C1GALT1: variants seen among roughly 807,000 people sequenced by gnomAD.
The protein encoded by C1GALT1 is glycoprotein-N-acetylgalactosamine 3-beta-galactosyltransferase 1.
In C1GALT1, 11 loss-of-function variants were observed where a neutral mutation model predicts 31.0. The ratio of observed to expected loss-of-function variants is 0.36; its 90% confidence interval spans 0.22 to 0.59. C1GALT1 has a LOEUF of 0.59. Ranked by LOEUF, C1GALT1 falls within the 20% of genes least tolerant of loss-of-function variation. The pLI is 0.79. For synonymous variants in C1GALT1, 175 were observed against 143.6 expected (o/e 1.22, Z -1.56); for missense variants, 424 against 425.2 (o/e 1.00, Z 0.03).
chr7:7,211,737 A>G (rs1269454198), intron 1 of C1GALT1, among the ~76,000 whole-genome samples: 2 of 152,180 alleles, frequency 1.3e-5, no homozygotes, highest in Non-Finnish European at 1.5e-5. Flanking sequence ...ACTTACTTTT[A>G]TTACCTGGCA....
chr7:7,234,300 C>T lies in C1GALT1; in HGVS notation c.-17-3C>T, dbSNP rs1427552547. The T allele has an allele frequency of 1.6e-5, 26 of 1,604,750 alleles. No individual in the cohort carries two copies. The highest frequency in any genetic ancestry group is 2.2e-5 in the Non-Finnish European group (26 of 1,173,574). On this transcript the variant is annotated splice_region_variant and splice_polypyrimidine_tract_variant and intron_variant, in intron 1 of 3. Transcript: ENST00000436587. Reference sequence around the variant, plus strand: ...AACATCCTGCTAATTTTTGTTCTTACAGAAATACACTTTCGGGAAATGGCC... The same window carrying T: ...AACATCCTGCTAATTTTTGTTCTTATAGAAATACACTTTCGGGAAATGGCC...
At chr7:7,217,737 A>G (rs79935034) in intron 1 of C1GALT1, among the ~76,000 whole-genome samples, 4,338 of 152,272 alleles carry the variant, frequency 0.028, 96 homozygotes, top group Non-Finnish European at 0.042. Flanking sequence ...ACAGTGGTAC[A>G]ATCATAGTTC....
intron 1 of C1GALT1, among the ~76,000 whole-genome samples, chr7:7,222,843 ATAAAG>A (rs1476733464): frequency 4.6e-5 from 7 of 152,242 alleles, no homozygotes; most frequent in South Asian, 2.1e-4. Flanking sequence ...TGAAGAAAGA[ATAAAG>A]TAAATATGCC....
chr7:7,162,769 CGG>C (rs1562550785), intron 2 of C1GALT1, among the ~76,000 whole-genome samples: 2 of 151,980 alleles, frequency 1.3e-5, no homozygotes, highest in East Asian at 1.9e-4. Context: ...ACATCCTCTC[CGG>C]AACCTGTTGT....
chr7:7,207,335 C>CTTT (rs57510429), intron 1 of C1GALT1, among the ~76,000 whole-genome samples: 903 of 47,996 alleles, frequency 0.019, 339 homozygotes, highest in Non-Finnish European at 0.023. Context: ...TACTCTGTTG[C>CTTT]TTTTTTTTTT....
chr7:7,193,097 CTG>C (rs1028167530), intron 1 of C1GALT1, among the ~76,000 whole-genome samples: 8 of 152,006 alleles, frequency 5.3e-5, no homozygotes, highest in African/African-American at 1.9e-4. Flanking sequence ...TTTCTCCACT[CTG>C]TGGGTTGTCT....
chr7:7,193,201 G>C (rs1450468501), intron 1 of C1GALT1, among the ~76,000 whole-genome samples: 1 of 151,986 alleles, frequency 6.6e-6, no homozygotes, highest in African/African-American at 2.4e-5. Context: ...TTGTTTTTGG[G>C]TTCATGGTCA....
chr7:7,198,502 T>A (rs1009713561), intron 1 of C1GALT1, among the ~76,000 whole-genome samples: 5 of 152,168 alleles, frequency 3.3e-5, no homozygotes, highest in Non-Finnish European at 4.4e-5. Context: ...CTCTTTTTTT[T>A]ATTGTGTCTC....
intron 1 of C1GALT1, among the ~76,000 whole-genome samples, chr7:7,232,606 CA>C (rs1458462932): frequency 6.6e-6 from 1 of 151,762 alleles, no homozygotes; most frequent in Non-Finnish European, 1.5e-5. Flanking sequence ...TCTTTTGCCT[CA>C]GTCTCCCAGG....
intron 1 of C1GALT1, among the ~76,000 whole-genome samples, chr7:7,206,159 T>C (rs971256563): frequency 6.6e-6 from 1 of 152,206 alleles, no homozygotes; most frequent in Admixed American, 6.5e-5. Flanking sequence ...ATTATATCTT[T>C]ATACATTGTG....
At position 7,245,260 on chromosome 7, in the gene C1GALT1, C is replaced by G. The variant is rs1331882133; in HGVS notation, c.*1533C>G. On this transcript the variant is annotated 3_prime_UTR_variant, in exon 4 of 4. Coordinates refer to ENST00000436587, the MANE Select transcript of C1GALT1 (RefSeq NM_020156.5). ...TCGGAGACTGTCTCACTCTGTCTCC[C>G]AGGCTGGACTGCAGTGGTGCGATTC... is the stretch of plus-strand genomic sequence containing the variant. The G allele has an allele frequency of 6.6e-6, 1 of 152,262 alleles. No homozygotes were observed. The highest frequency in any genetic ancestry group is 1.5e-5 in the Non-Finnish European group (1 of 68,062). 9.4% of individuals were successfully genotyped at this position (152,262 alleles called of 1,614,324 possible). A position where few individuals can be genotyped will look rare whatever the true frequency, so the allele number is the denominator to read the frequency against.
chr7:7,230,622 C>CTTT (rs57276821), intron 1 of C1GALT1, among the ~76,000 whole-genome samples: 1 of 121,522 alleles, frequency 8.2e-6, no homozygotes, highest in African/African-American at 3.3e-5. Flanking sequence ...TCTATATTCC[C>CTTT]TTTTTTTTTT....
intron 1 of C1GALT1, among the ~76,000 whole-genome samples, chr7:7,212,165 G>A (rs969340239): frequency 2.0e-5 from 3 of 152,162 alleles, no homozygotes; most frequent in Admixed American, 6.5e-5. Context: ...AAATACCTGT[G>A]AGTTAGGTGA....
At chr7:7,210,469 A>ACAGAAGGGAGAAGG in intron 1 of C1GALT1, 1 of 132,170 alleles carries the variant, frequency 7.6e-6, no homozygotes, top group Middle Eastern at 4.1e-3. Flanking sequence ...AATAGGCCAG[A>ACAGAAGGGAGAAGG]CAGAAGGGAG....
At chr7:7,171,146 T>C (rs1244369602) in intron 2 of C1GALT1, among the ~76,000 whole-genome samples, 1 of 152,200 alleles carries the variant, frequency 6.6e-6, no homozygotes, top group African/African-American at 2.4e-5. Flanking sequence ...TCAAGTCTTT[T>C]ATTTTGTGAC....
chr7:7,231,459 C>T (rs1281879955), intron 1 of C1GALT1, among the ~76,000 whole-genome samples: 5 of 152,080 alleles, frequency 3.3e-5, no homozygotes, highest in Admixed American at 2.0e-4. Flanking sequence ...TACATTAGAC[C>T]CTTTCACTTT....
At chr7:7,233,470 A>G (rs1783185320) in intron 1 of C1GALT1, among the ~76,000 whole-genome samples, 1 of 152,074 alleles carries the variant, frequency 6.6e-6, no homozygotes, top group South Asian at 2.1e-4. Context: ...CTAATTTTTT[A>G]CCATGTTGTC....
chr7:7,211,912 T>G (rs1782024292), intron 1 of C1GALT1, among the ~76,000 whole-genome samples: 1 of 152,194 alleles, frequency 6.6e-6, no homozygotes, highest in Non-Finnish European at 1.5e-5. Flanking sequence ...TTAATGAGAC[T>G]AGGATTTAAT....
At chr7:7,240,431 C>T (rs17165512) in intron 3 of C1GALT1, among the ~76,000 whole-genome samples, 2,307 of 152,148 alleles carry the variant, frequency 0.015, 40 homozygotes, top group African/African-American at 0.053. Flanking sequence ...AGTGAGAGTA[C>T]TACTTTGGAT....
Sources: gnomAD v4.1 joint callset for allele counts (sites outside exome capture counted in the v4.1 genomes callset) on GRCh38, gnomAD v4.1.1 for gene constraint, MANE v1.5 for transcripts, NCBI Gene and HGNC (gene_info 2026-07-23, HGNC 2026-07-21) for gene names.